ADGRL3: variants seen among roughly 807,000 people sequenced by gnomAD.
ADGRL3 encodes the protein calcium-independent alpha-latrotoxin receptor 3.
In ADGRL3, 62 loss-of-function variants were observed where a neutral mutation model predicts 153.5. The ratio of observed to expected loss-of-function variants is 0.40; its 90% CI spans 0.33 to 0.50. The LOEUF (loss-of-function observed/expected upper bound fraction) is 0.50, where lower values mean the gene tolerates loss of function less well. Ranked by LOEUF, ADGRL3 falls within the 20% of genes least tolerant of loss-of-function variation. The pLI, the probability that ADGRL3 is intolerant of heterozygous loss-of-function variation, is 0.47. For missense variants in ADGRL3, 1,641 were observed against 1,859.4 expected (o/e 0.88, Z 2.16); for synonymous variants, 710 against 672.5 (o/e 1.06, Z -0.86).
At chr4:61,745,455 G>A (rs2096643680) in intron 8 of ADGRL3, among the ~76,000 whole-genome samples, 1 of 152,152 alleles carries the variant, frequency 6.6e-6, no homozygotes, top group Admixed American at 6.5e-5. Flanking sequence ...AGGGCAGCCA[G>A]AAAGAAAGGC....
At chr4:61,848,170 G>C (rs996069467) in intron 9 of ADGRL3, among the ~76,000 whole-genome samples, 1 of 134,776 alleles carries the variant, frequency 7.4e-6, no homozygotes, top group African/African-American at 2.8e-5. Flanking sequence ...ATATGAACTG[G>C]TTTCAATTTT....
chr4:61,730,757 ACTT>A (rs759845246), intron 7 of ADGRL3, 121 bp downstream of exon 7: 8 of 274,376 alleles, frequency 2.9e-5, no homozygotes, highest in Non-Finnish European at 2.9e-5. Context: ...TTTATTTACT[ACTT>A]CTGCTGCTCA....
intron 1 of ADGRL3, among the ~76,000 whole-genome samples, chr4:61,232,795 A>G (rs1751294575): frequency 1.3e-5 from 2 of 152,186 alleles, no homozygotes. Flanking sequence ...TTATGTAGGT[A>G]AAGACACTCA....
chr4:61,439,175 C>G (rs918841725), intron 2 of ADGRL3, among the ~76,000 whole-genome samples: 1 of 152,120 alleles, frequency 6.6e-6, no homozygotes, highest in South Asian at 2.1e-4. Flanking sequence ...TGGGTTGCAT[C>G]TCATAAAAGA....
chr4:61,468,412 A>AAG (rs775308533), intron 2 of ADGRL3, among the ~76,000 whole-genome samples: 11 of 152,136 alleles, frequency 7.2e-5, no homozygotes, highest in Non-Finnish European at 1.5e-4. Flanking sequence ...TTTTTCCAAC[A>AAG]GATCTGCTTT....
chr4:61,776,872 A>C (rs2097157543), intron 8 of ADGRL3, among the ~76,000 whole-genome samples: 1 of 152,200 alleles, frequency 6.6e-6, no homozygotes, highest in African/African-American at 2.4e-5. Context: ...TTTTCCATTA[A>C]AGTTGTATGC....
At chr4:61,598,388 A>G (rs970660918) in intron 5 of ADGRL3, among the ~76,000 whole-genome samples, 1 of 152,204 alleles carries the variant, frequency 6.6e-6, no homozygotes, top group Non-Finnish European at 1.5e-5. Context: ...AATTATTCTC[A>G]TGAGATGCTA....
At chr4:61,339,302 G>A (rs181277439) in intron 1 of ADGRL3, among the ~76,000 whole-genome samples, 216 of 152,282 alleles carry the variant, frequency 1.4e-3, no homozygotes, top group Non-Finnish European at 2.5e-3. Flanking sequence ...GTGCTCAGGG[G>A]TGTAAAACGA....
At chr4:61,647,009 G>C (rs2088462) in intron 5 of ADGRL3, among the ~76,000 whole-genome samples, 55,169 of 151,962 alleles carry the variant, frequency 0.36, 10,738 homozygotes, top group East Asian at 0.52. Flanking sequence ...TAGGAAAAGC[G>C]CAGTCTTCGG....
At chr4:61,880,930 C>T (rs1321889433) in intron 9 of ADGRL3, among the ~76,000 whole-genome samples, 2 of 152,102 alleles carry the variant, frequency 1.3e-5, no homozygotes, top group African/African-American at 4.8e-5. Flanking sequence ...AACTCTACAA[C>T]CCACGATAAA....
chr4:61,599,194 A>G (rs1332383118), intron 5 of ADGRL3, among the ~76,000 whole-genome samples: 3 of 152,218 alleles, frequency 2.0e-5, no homozygotes, highest in African/African-American at 7.2e-5. Context: ...TAATGCTAAT[A>G]GACTGAGTGA....
At chr4:61,425,350 CTCTAGCCATGTCCAGTTCT>C (rs2097263893) in intron 2 of ADGRL3, 1 of 152,330 alleles carries the variant, frequency 6.6e-6, no homozygotes, top group Admixed American at 6.5e-5. Flanking sequence ...GACCCCAAGT[CTCTAGCCATGTCCAGTTCT>C]CCATAGAAGC....
At chr4:61,609,014 A>G (rs887398755) in intron 5 of ADGRL3, among the ~76,000 whole-genome samples, 4 of 152,046 alleles carry the variant, frequency 2.6e-5, no homozygotes, top group African/African-American at 9.7e-5. Context: ...TTTTTTCTTT[A>G]CAGTTTAGCA....
intron 5 of ADGRL3, among the ~76,000 whole-genome samples, chr4:61,610,964 T>A (rs2091261989): frequency 6.6e-6 from 1 of 151,966 alleles, no homozygotes; most frequent in Admixed American, 6.6e-5. Flanking sequence ...GAGAAAATAT[T>A]GTCTTTCTTT....
chr4:61,994,227 A>T (rs1404645064), intron 19 of ADGRL3, among the ~76,000 whole-genome samples: 2 of 152,236 alleles, frequency 1.3e-5, no homozygotes, highest in Non-Finnish European at 2.9e-5. Context: ...GACTCACCAC[A>T]GCCTGGACCT....
chr4:61,314,926 T>A (rs2095152760), intron 1 of ADGRL3, among the ~76,000 whole-genome samples: 1 of 152,244 alleles, frequency 6.6e-6, no homozygotes, highest in African/African-American at 2.4e-5. Flanking sequence ...TTGAATCTAT[T>A]ATCTGATTAT....
chr4:61,505,713 G>T (rs774076971), intron 3 of ADGRL3, among the ~76,000 whole-genome samples: 42 of 151,640 alleles, frequency 2.8e-4, no homozygotes, highest in Middle Eastern at 3.4e-3. Context: ...TCTGCAAATT[G>T]CTGAATGCCT....
At chr4:61,753,244 A>C (rs79768875) in intron 8 of ADGRL3, among the ~76,000 whole-genome samples, 12,570 of 151,388 alleles carry the variant, frequency 0.083, 1,125 homozygotes, top group African/African-American at 0.22. Context: ...AAAAAAAAAA[A>C]ACAAAGATGA....
intron 5 of ADGRL3, among the ~76,000 whole-genome samples, chr4:61,648,720 A>G (rs998932851): frequency 6.6e-6 from 1 of 152,008 alleles, no homozygotes; most frequent in African/African-American, 2.4e-5. Context: ...AAATGAGAGA[A>G]CTGGCATTCT....
Sources: gnomAD v4.1 joint callset for allele counts (sites outside exome capture counted in the v4.1 genomes callset) on GRCh38, gnomAD v4.1.1 for gene constraint, MANE v1.5 for transcripts, NCBI Gene and HGNC (gene_info 2026-07-23, HGNC 2026-07-21) for gene names.